The following ZNFX1 variants were observed in gnomAD, a reference collection of about 807,000 sequenced individuals.
The protein encoded by ZNFX1 is zinc finger NFX1-type containing 1.
Under a neutral mutation model 179.8 loss-of-function variants are expected in ZNFX1, and 78 were observed. That is an observed-to-expected ratio of 0.43 (90% CI 0.36 to 0.52). The LOEUF (loss-of-function observed/expected upper bound fraction) is 0.52. ZNFX1 is among the 20% of genes least tolerant of loss of function. The probability of loss-of-function intolerance (pLI) is 0.00; values close to 1 mark genes in which losing one functional copy is unlikely to be tolerated. For missense variants in ZNFX1, 1,927 were observed against 2,386.6 expected, an observed-to-expected ratio of 0.81 and a Z score of 4.01; for synonymous variants, 848 against 868.5, an observed-to-expected ratio of 0.98 and a Z score of 0.42.
At position 49,270,848 on chromosome 20, in the gene ZNFX1, C is replaced by T; in HGVS notation, c.964G>A (p.Val322Met). 6.2e-7 allele frequency: 1 copy of T among 1,614,160 alleles called. No individual in the cohort carries two copies. The highest frequency in any genetic ancestry group is 8.5e-7 in the Non-Finnish European group (1 of 1,180,034). ...ACATGGTCTTCTGCCTCAGGCTGCACTAGAGTGTAGGTATCCACTCTCAAA... is the reference window on the plus strand; with the variant it reads ...ACATGGTCTTCTGCCTCAGGCTGCATTAGAGTGTAGGTATCCACTCTCAAA... ...GTLRVDTYTL[V>M]QPEAEDHVES... The change falls in exon 3 of 14, where the codon GTG becomes ATG. Residue 322 changes from valine to methionine, a missense_variant. By Grantham distance (21) the Val-to-Met change is conservative. Coordinates refer to ENST00000396105, the MANE Select transcript of ZNFX1 (RefSeq NM_021035.3). This position sits in a 1 kb window ranked among gnomAD's most constrained non-coding sequence, Gnocchi z 4.6.
chr20:49,267,866 C>T (rs6067030), intron 3 of ZNFX1, among the ~76,000 whole-genome samples: 67,381 of 147,758 alleles, frequency 0.46, 16,413 homozygotes, highest in Middle Eastern at 0.6. Flanking sequence ...TTTCTTCATC[C>T]GTATAACAGT....
Position 49,249,307 on chromosome 20 carries a change from C to T in ZNFX1, c.3717G>A (p.Lys1239=), listed in dbSNP as rs150481139. The T allele has an allele frequency of 2.1e-3, 3,407 of 1,614,246 alleles. 1 individual carries two copies. The highest frequency in any genetic ancestry group is 2.8e-3 in the Admixed American group (171 of 60,016). The change falls in exon 14 of 14, where the codon AAG becomes AAA. Residue 1239 remains lysine, a synonymous_variant. Coordinates refer to ENST00000396105, the MANE Select transcript of ZNFX1 (RefSeq NM_021035.3). ...YCIGNMQMLA[K]VPLWSKIIHT... ...GAATGATCTTGCTCCACAGGGGCAC[C>T]TTGGCCAGCATCTGCATGTTTCCGA...
In ZNFX1 at chr20:49,257,500, CCAACT is replaced by C; in HGVS notation, c.2576_2580del (p.Glu859GlyfsTer2). 1 of 1,613,976 alleles carries C rather than the reference CCAACT, an allele frequency of 6.2e-7. No homozygotes were observed. Among genetic ancestry groups the C allele is most frequent in the East Asian group, 2.2e-5 (1 of 44,856 alleles). On this transcript the variant is annotated frameshift_variant, in exon 8 of 14. Coordinates refer to ENST00000396105, the MANE Select transcript of ZNFX1 (RefSeq NM_021035.3). LOFTEE classifies it high-confidence loss of function. ...AGCCTCATGGCCAGAAGCATTTTAG[CCAACT>C]CCTGGTCTGCTCCACTCTCTTCCTT... is the stretch of plus-strand genomic sequence containing the variant.
Position 49,248,673 on chromosome 20 carries a change from T to A in ZNFX1, c.4351A>T (p.Ser1451Cys). 1 of 1,613,282 alleles carries A rather than the reference T, an allele frequency of 6.2e-7. No individual in the cohort carries two copies. The highest frequency in any genetic ancestry group is 8.5e-7 in the Non-Finnish European group (1 of 1,180,042). Residue 1451 changes from serine (S) to cysteine (C), a missense_variant, in exon 14 of 14, where the codon AGC (serine) becomes TGC (cysteine). Transcript: ENST00000396105. This position sits in a 1 kb window ranked among gnomAD's most constrained non-coding sequence, Gnocchi z 4.6. Reference sequence around the variant, plus strand: ...TCATGGAAACGCCCTTCGAAGCAGCTGTGGCAGGAGCCTGGGCAAGGATGC... The same window carrying A: ...TCATGGAAACGCCCTTCGAAGCAGCAGTGGCAGGAGCCTGGGCAAGGATGC... ...CGHPCPGSCHSCFEGRFHERC... is the reference protein window; with the variant it reads ...CGHPCPGSCHCCFEGRFHERC...
In ZNFX1 at chr20:49,248,387, C is replaced by T; in HGVS notation, c.4637G>A (p.Cys1546Tyr). The T allele has an allele frequency of 6.2e-7, 1 of 1,611,354 alleles. No individual in the cohort carries two copies. Among genetic ancestry groups the T allele is most frequent in the Non-Finnish European group, 8.5e-7 (1 of 1,178,224 alleles). Residue 1546 changes from cysteine (C) to tyrosine (Y), a missense_variant, in exon 14 of 14, where the codon TGT becomes TAT. Transcript: ENST00000396105. This position sits in a 1 kb window ranked among gnomAD's most constrained non-coding sequence, Gnocchi z 4.6. ...CYVPCTKLLVCGHPCIGLCGE... is the reference protein window; with the variant it reads ...CYVPCTKLLVYGHPCIGLCGE... ...ACAGAGACCAATGCAGGGGTGGCCACAAACTAGCAGCTTAGTACAAGGCAC... is the reference window on the plus strand; with the variant it reads ...ACAGAGACCAATGCAGGGGTGGCCATAAACTAGCAGCTTAGTACAAGGCAC...
At position 49,271,292 on chromosome 20, in the gene ZNFX1, G is replaced by C; in HGVS notation, c.520C>G (p.Leu174Val). The C allele has an allele frequency of 6.2e-7, 1 of 1,614,168 alleles. No homozygotes were observed. The highest frequency in any genetic ancestry group is 8.5e-7 in the Non-Finnish European group (1 of 1,180,030). Residue 174 changes from leucine (L) to valine (V), a missense_variant, in exon 3 of 14, where the codon CTT becomes GTT. Leu to Val is a conservative substitution (Grantham distance 32, BLOSUM62 1). Coordinates refer to ENST00000396105, the MANE Select transcript of ZNFX1 (RefSeq NM_021035.3). ...LATSLGLKEL[L>V]SHSSMKSNFL... ...TTAGATTTCATGGAAGAATGAGAAA[G>C]GAGCTCTTTCAGCCCTAAACTTGTG...
chr20:49,270,996 G>A lies in ZNFX1; in HGVS notation c.816C>T (p.Leu272=), dbSNP rs2146742200. Residue 272 remains leucine (L), a synonymous_variant, in exon 3 of 14, where the codon CTC becomes CTT. Transcript: ENST00000396105. The surrounding 1 kb of genome is among the most constrained non-coding windows in gnomAD (Gnocchi z 4.6). ...TCAGAGCATTAAGAGAGGTTGGCAGGAGGGAAACCAGCATGGAAGTTTCCT... is the reference window on the plus strand; with the variant it reads ...TCAGAGCATTAAGAGAGGTTGGCAGAAGGGAAACCAGCATGGAAGTTTCCT... ...SVQETSMLVS[L]LPTSLNALRA... 3 of 1,614,154 alleles carry A rather than the reference G, an allele frequency of 1.9e-6. No individual in the cohort carries two copies. In the East Asian group the frequency reaches 6.7e-5, roughly 36 times the overall value.
intron 8 of ZNFX1, 163 bp from the exon 9 acceptor site, chr20:49,256,110 C>G: frequency 1.1e-6 from 1 of 892,042 alleles, no homozygotes; most frequent in Non-Finnish European, 1.6e-6. Context: ...AGTGGCTAAA[C>G]AAGGACTCTG....
chr20:49,270,699 G>A lies in ZNFX1; in HGVS notation c.1113C>T (p.Thr371=), dbSNP rs1444892460. Residue 371 remains threonine (T), a synonymous_variant, in exon 3 of 14, where the codon ACC becomes ACT. Coordinates refer to ENST00000396105, the MANE Select transcript of ZNFX1 (RefSeq NM_021035.3). This position sits in a 1 kb window ranked among gnomAD's most constrained non-coding sequence, Gnocchi z 4.6. The part of the protein sequence containing the change: ...KYDSTAIYLD[T]HFRLLREDFV... ...AATCTTCTCGCAGGAGCCGGAAGTG[G>A]GTATCCAGATAGATAGCAGTGCTGT... is the stretch of plus-strand genomic sequence containing the variant. 7 of 1,614,010 alleles carry A rather than the reference G, an allele frequency of 4.3e-6. No individual in the cohort carries two copies. In the African/African-American group the frequency reaches 9.3e-5, roughly 22 times the overall value.
intron 11 of ZNFX1, among the ~76,000 whole-genome samples, chr20:49,253,322 T>A (rs11698090): frequency 0.46 from 69,278 of 151,648 alleles, 18,531 homozygotes; most frequent in Non-Finnish European, 0.6. Context: ...ACCTTTTTTT[T>A]AAAAAAATTC....
In ZNFX1 at chr20:49,274,278, A is replaced by G. The variant is rs141452534; in HGVS notation, c.61+1501T>C. Among the ~76,000 whole-genome samples, 10 of 152,378 alleles carry G rather than the reference A, an allele frequency of 6.6e-5. No individual in the cohort carries two copies. The East Asian group carries it at 1.7e-3, about 26-fold the overall frequency. ...AGTACCAAAGACTGTTAAGCATTAC[A>G]TTAAAAATTTTTATGTTGATAATAT... is the stretch of plus-strand genomic sequence containing the variant. On this transcript the variant is annotated intron_variant, in intron 2 of 13. Transcript: ENST00000396105.
intron 8 of ZNFX1, among the ~76,000 whole-genome samples, chr20:49,256,345 T>C (rs1002422599): frequency 1.3e-5 from 2 of 152,334 alleles, no homozygotes; most frequent in Middle Eastern, 6.8e-3. Flanking sequence ...GACCATAGCC[T>C]GTTTCTTGTT....
At position 49,248,251 on chromosome 20, in the gene ZNFX1, G is replaced by A; in HGVS notation, c.4773C>T (p.Cys1591=). 1.9e-6 allele frequency: 3 copies of A among 1,614,172 alleles called. No individual in the cohort carries two copies. Among genetic ancestry groups the A allele is most frequent in the Non-Finnish European group, 2.5e-6 (3 of 1,180,032 alleles). The change falls in exon 14 of 14, where the codon TGC becomes TGT. Residue 1591 remains cysteine, a synonymous_variant. Coordinates refer to ENST00000396105, the MANE Select transcript of ZNFX1 (RefSeq NM_021035.3). This position sits in a 1 kb window ranked among gnomAD's most constrained non-coding sequence, Gnocchi z 4.6. ...GGGCTTGCACCTCAAAGATGTGGCT[G>A]CAGTCTTCCAGCTGCACAAAGCGGG... ...PDARFVQLED[C]SHIFEVQALD... is the part of the protein sequence containing the mutation.
chr20:49,252,683 C>G, intron 12 of ZNFX1, 37 bp downstream of exon 12: 1 of 1,557,802 alleles, frequency 6.4e-7, no homozygotes, highest in South Asian at 1.1e-5. Context: ...GAGCTTTCTC[C>G]TGGGCATTTG....
chr20:49,258,086 AG>A (rs1038775779), intron 7 of ZNFX1, among the ~76,000 whole-genome samples: 2 of 144,046 alleles, frequency 1.4e-5, no homozygotes, highest in Non-Finnish European at 3.0e-5. Context: ...GACATTATCA[AG>A]GGTTTATGTG....
At chr20:49,275,645 C>G (rs1473245673) in intron 2 of ZNFX1, 134 bp downstream of exon 2, 4 of 860,084 alleles carry the variant, frequency 4.7e-6, no homozygotes, top group South Asian at 1.7e-5. Flanking sequence ...GCTTGAGCCA[C>G]TGCATCCAGC....
chr20:49,255,745 A>C, intron 9 of ZNFX1, 63 bp downstream of exon 9: 1 of 1,530,380 alleles, frequency 6.5e-7, no homozygotes, highest in Non-Finnish European at 8.8e-7. Context: ...TTGGAGGTGG[A>C]GAATGTTCTA....
chr20:49,277,773 T>C (rs1051056750), intron 1 of ZNFX1, among the ~76,000 whole-genome samples: 2 of 110,698 alleles, frequency 1.8e-5, no homozygotes, highest in South Asian at 3.2e-4. Flanking sequence ...AGAGGCGCTC[T>C]GAGTGGGTGC....
intron 1 of ZNFX1, among the ~76,000 whole-genome samples, chr20:49,277,630 G>A (rs1291301399): frequency 6.6e-6 from 1 of 151,566 alleles, no homozygotes; most frequent in Non-Finnish European, 1.5e-5. Context: ...CAGCTGAGGG[G>A]ATGGGGACAC....
Sources: allele counts gnomAD v4.1 joint callset (sites outside exome capture counted in the v4.1 genomes callset), GRCh38; gene constraint gnomAD v4.1.1; non-coding constraint Gnocchi (gnomAD v3.1); transcripts MANE v1.5; gene names NCBI Gene and HGNC (gene_info 2026-07-23, HGNC 2026-07-21).